C2orf80: variants seen among roughly 807,000 people sequenced by gnomAD.
C2orf80 encodes chromosome 2 open reading frame 80, also known as uncharacterized protein C2orf80.
In C2orf80, 28 loss-of-function variants were observed where a neutral mutation model predicts 30.2. That is an observed-to-expected ratio of 0.93 (90% CI 0.69 to 1.27). The LOEUF is 1.27. Ranked by LOEUF, C2orf80 falls within the 50% of genes most tolerant of loss-of-function variation. The probability of loss-of-function intolerance (pLI) is 0.00; values close to 1 mark genes in which losing one functional copy is unlikely to be tolerated. For synonymous variants in C2orf80, 80 were observed against 76.4 expected, an observed-to-expected ratio of 1.05 and a Z score of -0.24; for missense variants, 220 against 231.0, an observed-to-expected ratio of 0.95 and a Z score of 0.31.
chr2:208,169,269 T>TTG (rs10658929), intron 8 of C2orf80, among the ~76,000 whole-genome samples: 1,875 of 138,070 alleles, frequency 0.014, 51 homozygotes, highest in African/African-American at 0.045. Context: ...AAAGTCTAGA[T>TTG]TGTGTGTGTG....
At chr2:208,175,028 C>G (rs1402722226) in intron 6 of C2orf80, among the ~76,000 whole-genome samples, 1 of 152,074 alleles carries the variant, frequency 6.6e-6, no homozygotes, top group Non-Finnish European at 1.5e-5. Flanking sequence ...GCCTGTAATC[C>G]CAGCTCTTTT....
chr2:208,176,938 T>TATGTGTACAG (rs1559340396), intron 6 of C2orf80, among the ~76,000 whole-genome samples: 1 of 52,026 alleles, frequency 1.9e-5, no homozygotes, highest in Non-Finnish European at 4.3e-5. Context: ...TATGTATACA[T>TATGTGTACAG]ATCTGTATAC....
chr2:208,183,995 T>C (rs958346431), intron 3 of C2orf80, among the ~76,000 whole-genome samples: 20 of 152,218 alleles, frequency 1.3e-4, no homozygotes, highest in Non-Finnish European at 2.9e-5. Context: ...TCTGAAGTTT[T>C]AACATTTTTA....
chr2:208,181,677 C>T (rs1046329076), intron 4 of C2orf80, among the ~76,000 whole-genome samples: 18 of 152,104 alleles, frequency 1.2e-4, no homozygotes, highest in African/African-American at 4.1e-4. Context: ...AAGCTGACTA[C>T]ACCCCTAGAT....
intron 1 of C2orf80, 85 bp from the exon 2 acceptor site, chr2:208,187,146 T>C: frequency 1.5e-6 from 1 of 647,342 alleles, no homozygotes; most frequent in Admixed American, 2.9e-5. Flanking sequence ...CTGGAAGGGA[T>C]CTGAGGGAGC....
chr2:208,187,288 A>G (rs1696746545), intron 1 of C2orf80, among the ~76,000 whole-genome samples: 1 of 152,086 alleles, frequency 6.6e-6, no homozygotes, highest in Non-Finnish European at 1.5e-5. Flanking sequence ...TACTTAATTT[A>G]CTCTTCCTTG....
intron 2 of C2orf80, among the ~76,000 whole-genome samples, chr2:208,185,716 A>C (rs897580591): frequency 1.3e-5 from 2 of 152,184 alleles, no homozygotes; most frequent in Non-Finnish European, 2.9e-5. Flanking sequence ...ATTTTACATA[A>C]GGTGGAGAAT....
chr2:208,167,322 G>C (rs1695927558), intron 8 of C2orf80, among the ~76,000 whole-genome samples: 1 of 151,872 alleles, frequency 6.6e-6, no homozygotes, highest in Non-Finnish European at 1.5e-5. Context: ...AGGAGTTCAA[G>C]ACCAGGCTGA....
intron 3 of C2orf80, among the ~76,000 whole-genome samples, chr2:208,184,559 C>G (rs1009914645): frequency 1.3e-5 from 2 of 152,080 alleles, no homozygotes; most frequent in African/African-American, 4.8e-5. Context: ...TAAATAACAC[C>G]AAGGATTTTT....
Position 208,176,921 on chromosome 2 carries a change from G to GTA in C2orf80, c.366+3822_366+3823dup, listed in dbSNP as rs1559340253. Among the ~76,000 whole-genome samples, 49 of 96,872 alleles carry GTA rather than the reference G, an allele frequency of 5.1e-4. 9 individuals carry two copies. The highest frequency in any genetic ancestry group is 1.1e-3 in the African/African-American group (28 of 26,502). 63.6% of individuals were successfully genotyped at this position (96,872 alleles called of 152,430 possible). ...TATACATATCTGTGTATACATATCTGTATACATATGTATACATATCTGTAT... is the reference window on the plus strand; with the variant it reads ...TATACATATCTGTGTATACATATCTGTATATACATATGTATACATATCTGTAT... On this transcript the variant is annotated intron_variant, in intron 6 of 8. Coordinates refer to ENST00000341287, the MANE Select transcript of C2orf80 (RefSeq NM_001099334.3).
rs954853600 is a variant in C2orf80, at chr2:208,190,017, G to C, written c.-140C>G. The C allele has an allele frequency of 1.4e-6, 1 of 702,826 alleles. No individual in the cohort carries two copies. The highest frequency in any genetic ancestry group is 1.5e-5 in the South Asian group (1 of 67,550). The allele number at this position is 702,826 out of a possible 1,614,324, so 43.5% of individuals were successfully genotyped here. On this transcript the variant is annotated 5_prime_UTR_variant, in exon 1 of 9. Transcript: ENST00000341287. ...CTTCTGGAGGCATGCTGAAGCATCC[G>C]CGCATCTCAGACTGGTGCTCACAGA...
chr2:208,182,835 A>T lies in C2orf80; in HGVS notation c.206+130T>A, dbSNP rs965837993. The T allele has an allele frequency of 4.4e-5, 34 of 764,492 alleles. No individual in the cohort carries two copies. The East Asian group carries it at 8.3e-4, about 19-fold the overall frequency. 47.4% of individuals were successfully genotyped at this position (764,492 alleles called of 1,614,324 possible). A position where few individuals can be genotyped will look rare whatever the true frequency, so the allele number is the denominator to read the frequency against. On this transcript the variant is annotated intron_variant, in intron 4 of 8. Coordinates refer to ENST00000341287, the MANE Select transcript of C2orf80 (RefSeq NM_001099334.3). ...AGGTTCCTCAGGTGTCTCGTTGAAG[A>T]GGGATATTCACCCAGTAGTGTTTTC...
rs971774320 is a variant in C2orf80 at position 208,175,853 on chromosome 2, G to C, written c.367-3778C>G. Among the ~76,000 whole-genome samples, 3 of 151,938 alleles carry C rather than the reference G, an allele frequency of 2.0e-5. No individual in the cohort carries two copies. The East Asian group carries it at 5.8e-4, about 29-fold the overall frequency. ...CTTTGAAATGCTACATTGCTATCGAGAGGTCCTGCTAATGCCTAATTCAAA... is the reference window on the plus strand; with the variant it reads ...CTTTGAAATGCTACATTGCTATCGACAGGTCCTGCTAATGCCTAATTCAAA... On this transcript the variant is annotated intron_variant, in intron 6 of 8. Coordinates refer to ENST00000341287, the MANE Select transcript of C2orf80 (RefSeq NM_001099334.3).
At chr2:208,175,747 T>A (rs10221941) in intron 6 of C2orf80, among the ~76,000 whole-genome samples, 2,315 of 141,032 alleles carry the variant, frequency 0.016, 52 homozygotes, top group African/African-American at 0.05. Flanking sequence ...GTTTTTTTTT[T>A]TAAAAAACTC....
intron 1 of C2orf80, among the ~76,000 whole-genome samples, chr2:208,188,244 C>A (rs1309473538): frequency 6.6e-6 from 1 of 151,864 alleles, no homozygotes; most frequent in Non-Finnish European, 1.5e-5. Flanking sequence ...ATTATACTAC[C>A]CTTTGTACTT....
Position 208,180,812 on chromosome 2 carries a change from C to G in C2orf80, c.299G>C (p.Ser100Thr), listed in dbSNP as rs373880451. Residue 100 changes from serine (S) to threonine (T), a missense_variant, in exon 6 of 9, where the codon AGT becomes ACT. Coordinates refer to ENST00000341287, the MANE Select transcript of C2orf80 (RefSeq NM_001099334.3). ...LSSYAGILMN[S>T]IPIEEVFKIY... The stretch of plus-strand genomic sequence containing the variant: ...TTTAAAGACTTCCTCAATCGGGATA[C>G]TGTTCTGTTAAACAACAACAGCAAT... 66 of 1,612,676 alleles carry G rather than the reference C, an allele frequency of 4.1e-5. No homozygotes were observed. Among genetic ancestry groups the G allele is most frequent in the Non-Finnish European group, 5.3e-5 (62 of 1,179,232 alleles).
At chr2:208,173,120 CAAAAAAA>C (rs57629811) in intron 6 of C2orf80, among the ~76,000 whole-genome samples, 2 of 72,406 alleles carry the variant, frequency 2.8e-5, no homozygotes, top group Non-Finnish European at 5.0e-5. Context: ...AACCTCATCT[CAAAAAAA>C]AAAAAAAAAA....
chr2:208,179,886 A>G (rs536072980), intron 6 of C2orf80, among the ~76,000 whole-genome samples: 1 of 152,264 alleles, frequency 6.6e-6, no homozygotes, highest in East Asian at 1.9e-4. Flanking sequence ...GCTCACACCT[A>G]TAGTCCAGCT....
Position 208,183,041 on chromosome 2 carries a change from A to C in C2orf80, c.130T>G (p.Tyr44Asp). ...AAAGCAACACTGATGGCCAAGTCAT[A>C]GTGTGCCTGGGAGCAGGAAGCACAG... The part of the protein sequence containing the change: ...QLTFLDDMAH[Y>D]DLAISVALQW... Residue 44 changes from tyrosine (Y) to aspartate (D), a missense_variant, in exon 4 of 9, where the codon TAT (tyrosine) becomes GAT (aspartate). Tyr to Asp is a radical substitution (Grantham distance 160). Coordinates refer to ENST00000341287, the MANE Select transcript of C2orf80 (RefSeq NM_001099334.3). The C allele has an allele frequency of 6.2e-7, 1 of 1,613,954 alleles. No homozygotes were observed. Among genetic ancestry groups the C allele is most frequent in the Non-Finnish European group, 8.5e-7 (1 of 1,179,800 alleles).
Sources: gnomAD v4.1 joint callset for allele counts (sites outside exome capture counted in the v4.1 genomes callset) on GRCh38, gnomAD v4.1.1 for gene constraint, MANE v1.5 for transcripts, NCBI Gene and HGNC (gene_info 2026-07-23, HGNC 2026-07-21) for gene names.